Variants in GOSR1 observed in about 807,000 individuals in gnomAD.
GOSR1 encodes 28 kDa Golgi SNARE protein.
In GOSR1, 21 loss-of-function variants were observed where a neutral mutation model predicts 35.5. That is an observed-to-expected ratio of 0.59 (90% CI 0.42 to 0.85). The LOEUF is 0.85. Ranked by LOEUF, GOSR1 falls within the 40% of genes least tolerant of loss-of-function variation. GOSR1 has a pLI of 0.00. For missense variants in GOSR1, 285 were observed against 309.6 expected, an observed-to-expected ratio of 0.92 and a Z score of 0.60; for synonymous variants, 94 against 106.6, an observed-to-expected ratio of 0.88 and a Z score of 0.73.
intron 6 of GOSR1, among the ~76,000 whole-genome samples, chr17:30,504,602 G>A (rs1052872679): frequency 1.3e-5 from 2 of 152,178 alleles, no homozygotes; most frequent in African/African-American, 4.8e-5. Flanking sequence ...CATGTAAAAT[G>A]TGATTTAAAT....
rs149060641 is a variant in GOSR1, at chr17:30,526,849, C to T, written c.*4471C>T. 10 of 152,430 alleles carry T rather than the reference C, an allele frequency of 6.6e-5. No homozygotes were observed. Among genetic ancestry groups the T allele is most frequent in the Admixed American group, 6.5e-4 (10 of 15,298 alleles). 9.4% of individuals were successfully genotyped at this position (152,430 alleles called of 1,614,324 possible). A position where few individuals can be genotyped will look rare whatever the true frequency, so the allele number is the denominator to read the frequency against. ...TAATTGTTTATATTGAAACAGTAAC[C>T]ATCAAGGTAGTTTGGGGATAGAGAT... On this transcript the variant is annotated 3_prime_UTR_variant, in exon 9 of 9. Transcript: ENST00000451249.
rs1046281425 is a variant in GOSR1 at position 30,525,169 on chromosome 17, T to C, written c.*2791T>C. 2 of 152,222 alleles carry C rather than the reference T, an allele frequency of 1.3e-5. No individual in the cohort carries two copies. Among genetic ancestry groups the C allele is most frequent in the African/African-American group, 4.8e-5 (2 of 41,456 alleles). 9.4% of individuals were successfully genotyped at this position (152,222 alleles called of 1,614,324 possible). A position where few individuals can be genotyped will look rare whatever the true frequency, so the allele number is the denominator to read the frequency against. ...CCGAGCCACAGGCAATAAAAGGATA[T>C]CAGCTGTAGTTCTCAGCTACATCAT... is the stretch of plus-strand genomic sequence containing the variant. On this transcript the variant is annotated 3_prime_UTR_variant, in exon 9 of 9. Transcript: ENST00000451249.
chr17:30,504,597 A>G (rs1347914443), intron 6 of GOSR1, among the ~76,000 whole-genome samples: 1 of 152,232 alleles, frequency 6.6e-6, no homozygotes, highest in Non-Finnish European at 1.5e-5. Flanking sequence ...CATTACATGT[A>G]AAATGTGATT....
chr17:30,520,836 A>G (rs1484878519), intron 8 of GOSR1, among the ~76,000 whole-genome samples: 1 of 152,184 alleles, frequency 6.6e-6, no homozygotes, highest in Non-Finnish European at 1.5e-5. Flanking sequence ...TCCACTGTGA[A>G]TTTTGTTCTT....
intron 7 of GOSR1, among the ~76,000 whole-genome samples, chr17:30,519,373 A>G (rs188695411): frequency 6.6e-6 from 1 of 152,286 alleles, no homozygotes; most frequent in East Asian, 1.9e-4. Context: ...GCCACGTTTA[A>G]TGAGTCTGTG....
intron 7 of GOSR1, among the ~76,000 whole-genome samples, chr17:30,515,294 A>ATTTTTTTTTTTTTTTTTTTT (rs35911853): frequency 7.2e-6 from 1 of 139,524 alleles, no homozygotes. Context: ...TGCCCAGCTA[A>ATTTTTTTTTTTTTTTTTTTT]TTTTTTTTTT....
At chr17:30,506,151 G>C (rs1967395752) in intron 6 of GOSR1, among the ~76,000 whole-genome samples, 1 of 152,132 alleles carries the variant, frequency 6.6e-6, no homozygotes. Flanking sequence ...CTTTGCAGTG[G>C]CTTGTAAATA....
chr17:30,499,225 T>C (rs964604247), intron 6 of GOSR1, among the ~76,000 whole-genome samples: 6 of 152,248 alleles, frequency 3.9e-5, no homozygotes, highest in African/African-American at 1.2e-4. Context: ...CCACGATTTC[T>C]TTATCCATTC....
At chr17:30,480,931 C>G (rs1914298974) in intron 1 of GOSR1, 4 of 398,168 alleles carry the variant, frequency 1.0e-5, no homozygotes, top group Non-Finnish European at 1.9e-5. Context: ...AGGCTGGTCT[C>G]AAACTCCCGA....
chr17:30,511,219 A>G (rs746363387), intron 7 of GOSR1, among the ~76,000 whole-genome samples: 4 of 152,250 alleles, frequency 2.6e-5, no homozygotes, highest in Non-Finnish European at 5.9e-5. Context: ...AAAGTGATTT[A>G]AAGCATAATT....
chr17:30,520,901 CTA>C (rs1183200356), intron 8 of GOSR1, among the ~76,000 whole-genome samples: 1 of 152,194 alleles, frequency 6.6e-6, no homozygotes, highest in Non-Finnish European at 1.5e-5. Context: ...TTAGATAGGG[CTA>C]TAAAATTTAC....
intron 4 of GOSR1, among the ~76,000 whole-genome samples, chr17:30,488,953 A>G (rs1325343580): frequency 6.6e-6 from 1 of 152,252 alleles, no homozygotes; most frequent in African/African-American, 2.4e-5. Context: ...AAAAAGAATG[A>G]TGTAGATTTC....
chr17:30,496,252 C>T (rs1289161610), intron 6 of GOSR1, among the ~76,000 whole-genome samples: 3 of 152,194 alleles, frequency 2.0e-5, no homozygotes, highest in Non-Finnish European at 4.4e-5. Flanking sequence ...CTCTGGTTTA[C>T]ACCTGCTGTC....
chr17:30,492,991 TA>T (rs1176866090), intron 6 of GOSR1, among the ~76,000 whole-genome samples: 5 of 151,814 alleles, frequency 3.3e-5, no homozygotes, highest in Admixed American at 1.3e-4. Flanking sequence ...ATATGGTTGT[TA>T]TTTTTTTTTT....
rs1285247469 is a variant in GOSR1, at chr17:30,526,980, A to G, written c.*4602A>G. ...TCACATGTCATTCAGAAACCATCAT[A>G]TGAACAGTCCACTAGTATTTTAGCC... On this transcript the variant is annotated 3_prime_UTR_variant, in exon 9 of 9. Coordinates refer to ENST00000451249, the MANE Select transcript of GOSR1 (RefSeq NM_001007025.2). 6.6e-6 allele frequency: 1 copy of G among 152,216 alleles called. No homozygotes were observed. The highest frequency in any genetic ancestry group is 1.5e-5 in the Non-Finnish European group (1 of 68,050). 9.4% of individuals were successfully genotyped at this position (152,216 alleles called of 1,614,324 possible).
chr17:30,478,004 T>C (rs899913227), intron 1 of GOSR1: 1 of 821,090 alleles, frequency 1.2e-6, no homozygotes, highest in Non-Finnish European at 1.5e-6. Context: ...GTTGGGGACT[T>C]CCAGGACTGG....
chr17:30,518,635 A>G (rs1375264489), intron 7 of GOSR1, among the ~76,000 whole-genome samples: 3 of 152,150 alleles, frequency 2.0e-5, no homozygotes, highest in Non-Finnish European at 4.4e-5. Context: ...TAGCAAAATG[A>G]TACTAACTTA....
chr17:30,484,080 A>T (rs1914520615), intron 2 of GOSR1, 134 bp from the exon 3 acceptor site: 2 of 541,920 alleles, frequency 3.7e-6, no homozygotes, highest in South Asian at 5.2e-5. Context: ...AATGTAAAAG[A>T]TCGTTTCTCA....
At chr17:30,490,790 C>G (rs1914995284) in intron 5 of GOSR1, among the ~76,000 whole-genome samples, 1 of 151,880 alleles carries the variant, frequency 6.6e-6, no homozygotes, top group Non-Finnish European at 1.5e-5. Context: ...TTTCTTCTGT[C>G]CCTTCACCTC....
Sources: gnomAD v4.1 joint callset for allele counts (sites outside exome capture counted in the v4.1 genomes callset) on GRCh38, gnomAD v4.1.1 for gene constraint, MANE v1.5 for transcripts, NCBI Gene and HGNC (gene_info 2026-07-23, HGNC 2026-07-21) for gene names.